TMC2: variants seen among roughly 807,000 people sequenced by gnomAD.
TMC2 encodes the protein transmembrane channel-like protein 2.
A neutral mutation model predicts 105.9 loss-of-function variants in TMC2; 102 were observed. That is an observed-to-expected ratio of 0.96 (90% CI 0.82 to 1.14). The LOEUF is 1.14. Ranked by LOEUF, TMC2 falls within the 50% of genes most tolerant of loss-of-function variation. The pLI, the probability that TMC2 is intolerant of heterozygous loss-of-function variation, is 0.00. For missense variants in TMC2, 1,093 were observed against 1,134.3 expected (o/e 0.96, Z 0.52); for synonymous variants, 402 against 422.8 (o/e 0.95, Z 0.60).
intron 8 of TMC2, among the ~76,000 whole-genome samples, chr20:2,593,012 A>G: frequency 6.6e-6 from 1 of 152,212 alleles, no homozygotes; most frequent in African/African-American, 2.4e-5. Context: ...GTATTAGTTC[A>G]TGTTCACACT....
chr20:2,553,818 C>A (rs944275487), intron 2 of TMC2, among the ~76,000 whole-genome samples: 1 of 152,104 alleles, frequency 6.6e-6, no homozygotes, highest in African/African-American at 2.4e-5. Flanking sequence ...AGGAATTTGT[C>A]GAGTTCTTCT....
At chr20:2,542,740 C>T (rs527640893) in intron 2 of TMC2, among the ~76,000 whole-genome samples, 2 of 149,166 alleles carry the variant, frequency 1.3e-5, no homozygotes, top group East Asian at 4.0e-4. Context: ...GTCACCCAGG[C>T]TGGAGTCAGT....
Position 2,602,317 on chromosome 20 carries a change from C to G in TMC2, c.1413+16C>G. The G allele has an allele frequency of 6.4e-7, 1 of 1,551,884 alleles. No homozygotes were observed. Among genetic ancestry groups the G allele is most frequent in the Non-Finnish European group, 8.7e-7 (1 of 1,147,198 alleles). ...AAGGAATGAGGTAAGAAAAACATCG[C>G]TGATGAACTGAAGGTTGATGGCAAA... On this transcript the variant is annotated intron_variant, in intron 11 of 19. Coordinates refer to ENST00000358864, the MANE Select transcript of TMC2 (RefSeq NM_080751.3).
At chr20:2,611,936 A>G (rs1452937750) in intron 12 of TMC2, among the ~76,000 whole-genome samples, 1 of 148,710 alleles carries the variant, frequency 6.7e-6, no homozygotes, top group Non-Finnish European at 1.5e-5. Context: ...ATGAATAGAC[A>G]AGTGGATGGA....
chr20:2,562,111 G>T lies in TMC2; in HGVS notation c.554+101G>T, dbSNP rs951734037. The stretch of plus-strand genomic sequence containing the variant: ...ACATTTCCCCAAAGGGGCTTGATGT[G>T]AGGGGGCTGCTCCAGCGAGGACAGC... On this transcript the variant is annotated intron_variant, in intron 4 of 19. Coordinates refer to ENST00000358864, the MANE Select transcript of TMC2 (RefSeq NM_080751.3). The T allele has an allele frequency of 4.3e-6, 6 of 1,398,210 alleles. No individual in the cohort carries two copies. The African/African-American group carries it at 7.2e-5, about 17-fold the overall frequency. 86.6% of individuals were successfully genotyped at this position (1,398,210 alleles called of 1,614,324 possible).
intron 4 of TMC2, among the ~76,000 whole-genome samples, chr20:2,566,385 C>G (rs1232969341): frequency 3.9e-5 from 6 of 152,250 alleles, no homozygotes; most frequent in Middle Eastern, 3.4e-3. Context: ...GGTTGGGGAA[C>G]AAAGATGAAT....
At chr20:2,598,229 T>C (rs75985400) in intron 10 of TMC2, among the ~76,000 whole-genome samples, 3,741 of 148,098 alleles carry the variant, frequency 0.025, 152 homozygotes, top group African/African-American at 0.085. Context: ...AACTTGGTAG[T>C]TGGAAAATAA....
chr20:2,576,909 T>TGTTTG (rs199509643), intron 5 of TMC2, among the ~76,000 whole-genome samples: 4 of 121,504 alleles, frequency 3.3e-5, no homozygotes, highest in African/African-American at 1.3e-4. Context: ...GGTTTTTTTT[T>TGTTTG]TTTGTTTTTT....
intron 18 of TMC2, among the ~76,000 whole-genome samples, chr20:2,636,719 G>A (rs889604983): frequency 1.7e-4 from 26 of 152,166 alleles, no homozygotes; most frequent in Non-Finnish European, 2.4e-4. Flanking sequence ...CACCTCCCAG[G>A]TTCAAGTGAT....
intron 4 of TMC2, among the ~76,000 whole-genome samples, chr20:2,569,407 T>C (rs1471970439): frequency 6.6e-6 from 1 of 152,234 alleles, no homozygotes; most frequent in Non-Finnish European, 1.5e-5. Context: ...TGACTTACAA[T>C]GGTTCAACTT....
At chr20:2,629,929 CTTG>C (rs772921997) in intron 17 of TMC2, among the ~76,000 whole-genome samples, 12 of 152,162 alleles carry the variant, frequency 7.9e-5, no homozygotes, top group Admixed American at 2.6e-4. Flanking sequence ...ACAGAATTTA[CTTG>C]TTGTGATAAG....
chr20:2,586,710 C>T (rs2086234201), intron 7 of TMC2, among the ~76,000 whole-genome samples: 1 of 152,094 alleles, frequency 6.6e-6, no homozygotes, highest in Non-Finnish European at 1.5e-5. Context: ...AGAATCTGCC[C>T]TCGTGATCCA....
chr20:2,601,883 G>A (rs143867086), intron 10 of TMC2, among the ~76,000 whole-genome samples: 272 of 152,186 alleles, frequency 1.8e-3, no homozygotes, highest in African/African-American at 6.3e-3. Flanking sequence ...TCTGACACAT[G>A]GTGACTATTT....
In TMC2 at chr20:2,592,687, T is replaced by C. The variant is rs1387394854; in HGVS notation, c.933+279T>C. On this transcript the variant is annotated intron_variant, in intron 8 of 19. Coordinates refer to ENST00000358864, the MANE Select transcript of TMC2 (RefSeq NM_080751.3). The surrounding 1 kb of genome is among the most constrained non-coding windows in gnomAD (Gnocchi z 4.9). ...GTCTCTGTAAGGTGATCTCACGGTA[T>C]GCTTTTCTTTCCTCATTCCCACATT... Among the ~76,000 whole-genome samples, 1 of 152,146 alleles carries C rather than the reference T, an allele frequency of 6.6e-6. No homozygotes were observed. Among genetic ancestry groups the C allele is most frequent in the Non-Finnish European group, 1.5e-5 (1 of 68,022 alleles).
intron 5 of TMC2, 46 bp from the exon 6 acceptor site, chr20:2,579,100 A>G: frequency 9.1e-7 from 1 of 1,103,018 alleles, no homozygotes; most frequent in Non-Finnish European, 1.4e-6. Flanking sequence ...TTTGTGCTCC[A>G]GGTTGACATG....
At chr20:2,546,268 C>T (rs2085925653) in intron 2 of TMC2, among the ~76,000 whole-genome samples, 1 of 152,082 alleles carries the variant, frequency 6.6e-6, no homozygotes, top group African/African-American at 2.4e-5. Flanking sequence ...TGGGTAGCTC[C>T]TGAAGAAAAA....
chr20:2,553,161 T>C (rs1162493770), intron 2 of TMC2, among the ~76,000 whole-genome samples: 1 of 152,334 alleles, frequency 6.6e-6, no homozygotes, highest in East Asian at 1.9e-4. Context: ...GGAGACATCC[T>C]TGTCTTGTTC....
At chr20:2,623,962 T>C (rs768673996) in intron 16 of TMC2, among the ~76,000 whole-genome samples, 1 of 151,500 alleles carries the variant, frequency 6.6e-6, no homozygotes, top group Non-Finnish European at 1.5e-5. Context: ...TTAGAATACA[T>C]GAGGAAAACC....
chr20:2,585,686 C>T (rs1234486676), intron 7 of TMC2, among the ~76,000 whole-genome samples: 1 of 152,178 alleles, frequency 6.6e-6, no homozygotes, highest in African/African-American at 2.4e-5. Context: ...TGCTTCCAAC[C>T]TTACTTATGT....
Sources: allele counts gnomAD v4.1 joint callset (sites outside exome capture counted in the v4.1 genomes callset), GRCh38; gene constraint gnomAD v4.1.1; non-coding constraint Gnocchi (gnomAD v3.1); transcripts MANE v1.5; gene names NCBI Gene and HGNC (gene_info 2026-07-23, HGNC 2026-07-21).